TMEM135: variants seen among roughly 807,000 people sequenced by gnomAD.
TMEM135 encodes transmembrane protein 135.
TMEM135 carries 30 observed loss-of-function variants against 60.3 expected under a neutral mutation model. The observed-to-expected ratio is 0.50, with a 90% CI of 0.37 to 0.68. The LOEUF is 0.68. Ranked by LOEUF, TMEM135 falls within the 30% of genes least tolerant of loss-of-function variation. The pLI is 0.00. For missense variants in TMEM135, 468 were observed against 548.8 expected (o/e 0.85, Z 1.47); for synonymous variants, 190 against 186.7 (o/e 1.02, Z -0.14).
At chr11:87,053,521 T>C (rs1375793386) in intron 1 of TMEM135, among the ~76,000 whole-genome samples, 1 of 152,098 alleles carries the variant, frequency 6.6e-6, no homozygotes, top group Admixed American at 6.6e-5. Context: ...GAAGGGGAGT[T>C]GAAGTGATGG....
intron 4 of TMEM135, among the ~76,000 whole-genome samples, chr11:87,134,211 T>C (rs1376948647): frequency 1.3e-5 from 2 of 152,180 alleles, no homozygotes; most frequent in African/African-American, 2.4e-5. Flanking sequence ...GGCTGTTTTC[T>C]CCCTGTGCCT....
intron 9 of TMEM135, among the ~76,000 whole-genome samples, 157 bp downstream of exon 9, chr11:87,306,162 T>C (rs111620995): frequency 2.0e-5 from 3 of 152,312 alleles, no homozygotes; most frequent in Admixed American, 6.5e-5. Flanking sequence ...TTTATGACAA[T>C]AGGTGACGAT....
At chr11:87,191,777 G>T (rs184718525) in intron 5 of TMEM135, among the ~76,000 whole-genome samples, 5 of 152,100 alleles carry the variant, frequency 3.3e-5, no homozygotes, top group African/African-American at 1.2e-4. Context: ...TTTAGGTTTG[G>T]GGATCAGTGT....
In TMEM135 at chr11:87,291,508, C is replaced by T. The variant is rs143120123; in HGVS notation, c.510-4274C>T. ...GCCCTCCTGTAAGTCTATCCAGCAG[C>T]CAAGTGATTTTTTTTTTTTTTTTTT... is the stretch of plus-strand genomic sequence containing the variant. On this transcript the variant is annotated intron_variant, in intron 6 of 14. Coordinates refer to ENST00000305494, the MANE Select transcript of TMEM135 (RefSeq NM_022918.4). 8.5e-3 allele frequency among the ~76,000 whole-genome samples: 1,230 copies of T among 144,776 alleles called. 13 individuals carry two copies. Among genetic ancestry groups the T allele is most frequent in the South Asian group, 0.049 (220 of 4,502 alleles). 95.0% of individuals were successfully genotyped at this position (144,776 alleles called of 152,430 possible). A position where few individuals can be genotyped will look rare whatever the true frequency, so the allele number is the denominator to read the frequency against.
chr11:87,116,147 T>C (rs961124333), intron 4 of TMEM135, among the ~76,000 whole-genome samples: 1 of 152,148 alleles, frequency 6.6e-6, no homozygotes, highest in Non-Finnish European at 1.5e-5. Flanking sequence ...TGTGTAAACA[T>C]GAGAATACCT....
At chr11:87,271,288 G>A (rs962085530) in intron 6 of TMEM135, among the ~76,000 whole-genome samples, 2 of 152,102 alleles carry the variant, frequency 1.3e-5, no homozygotes, top group African/African-American at 4.8e-5. Context: ...TCACATTAAT[G>A]TACTATGAAT....
chr11:87,264,307 C>CT (rs145849024), intron 6 of TMEM135, among the ~76,000 whole-genome samples: 48,287 of 145,888 alleles, frequency 0.33, 8,443 homozygotes, highest in Non-Finnish European at 0.41. Context: ...TGTTCTTTTT[C>CT]TTTTCTTTTT....
In TMEM135 at chr11:87,144,755, GTT is replaced by G. The variant is rs57015442; in HGVS notation, c.397-12576_397-12575del. Among the ~76,000 whole-genome samples the G allele has an allele frequency of 3.2e-3, 470 of 147,212 alleles. 6 individuals are homozygous for G. The highest frequency in any genetic ancestry group is 0.011 in the African/African-American group (439 of 40,266). On this transcript the variant is annotated intron_variant, in intron 4 of 14. Coordinates refer to ENST00000305494, the MANE Select transcript of TMEM135 (RefSeq NM_022918.4). ...GTGTGTTTTCTGGCTACTTTCAAGA[GTT>G]TTTTTTTTTATTTAGATTTTATAAT...
intron 5 of TMEM135, among the ~76,000 whole-genome samples, chr11:87,186,924 A>G (rs1939668779): frequency 1.3e-5 from 2 of 152,190 alleles, no homozygotes; most frequent in Admixed American, 6.5e-5. Context: ...TAATAAAACA[A>G]TGTTTATAGG....
intron 6 of TMEM135, among the ~76,000 whole-genome samples, chr11:87,246,496 A>T (rs192669694): frequency 2.6e-5 from 4 of 152,240 alleles, no homozygotes; most frequent in Non-Finnish European, 4.4e-5. Flanking sequence ...CACCAGTCAG[A>T]CGTAGATTTG....
intron 4 of TMEM135, among the ~76,000 whole-genome samples, chr11:87,130,651 A>T (rs1023540714): frequency 4.6e-5 from 7 of 152,048 alleles, no homozygotes; most frequent in African/African-American, 1.7e-4. Flanking sequence ...AACCTTTTGT[A>T]ATTTTAATTT....
intron 4 of TMEM135, among the ~76,000 whole-genome samples, chr11:87,137,230 C>T (rs1938127021): frequency 6.7e-6 from 1 of 150,346 alleles, no homozygotes; most frequent in South Asian, 2.1e-4. Context: ...TGTTATGTAA[C>T]AACCTTTTTC....
intron 4 of TMEM135, among the ~76,000 whole-genome samples, chr11:87,125,408 A>T (rs563133): frequency 0.35 from 52,863 of 152,098 alleles, 9,607 homozygotes; most frequent in East Asian, 0.62. Context: ...TGGAGAGATG[A>T]CATTGAGTAC....
chr11:87,287,544 G>T (rs140813323), intron 6 of TMEM135, among the ~76,000 whole-genome samples: 1 of 152,162 alleles, frequency 6.6e-6, no homozygotes, highest in African/African-American at 2.4e-5. Flanking sequence ...GGGCCTAGTG[G>T]CAGGTGCCTA....
At chr11:87,241,907 A>C (rs1009286715) in intron 6 of TMEM135, among the ~76,000 whole-genome samples, 20 of 152,006 alleles carry the variant, frequency 1.3e-4, no homozygotes, top group Admixed American at 1.1e-3. Flanking sequence ...CACAATGTGC[A>C]GGTTAGTTAC....
chr11:87,250,719 G>A (rs1408579788), intron 6 of TMEM135, among the ~76,000 whole-genome samples: 1 of 152,006 alleles, frequency 6.6e-6, no homozygotes, highest in Non-Finnish European at 1.5e-5. Flanking sequence ...AAAAAATATT[G>A]CTTAAAAATA....
intron 1 of TMEM135, among the ~76,000 whole-genome samples, chr11:87,061,411 T>A (rs1949945995): frequency 6.6e-6 from 1 of 152,176 alleles, no homozygotes; most frequent in Admixed American, 6.5e-5. Flanking sequence ...GCCCAAAATG[T>A]CAATAGTGCC....
At position 87,199,751 on chromosome 11, in the gene TMEM135, G is replaced by A. The variant is rs189764044; in HGVS notation, c.463-36887G>A. ...TCGAGACCAGCCTGGCCAACAAGGTGAAACTGCATCTCTACTAAAAATACA... is the reference window on the plus strand; with the variant it reads ...TCGAGACCAGCCTGGCCAACAAGGTAAAACTGCATCTCTACTAAAAATACA... On this transcript the variant is annotated intron_variant, in intron 5 of 14. Coordinates refer to ENST00000305494, the MANE Select transcript of TMEM135 (RefSeq NM_022918.4). Among the ~76,000 whole-genome samples, 3 of 152,266 alleles carry A rather than the reference G, an allele frequency of 2.0e-5. No homozygotes were observed. In the East Asian group the frequency reaches 5.8e-4, roughly 29 times the overall value.
Position 87,272,119 on chromosome 11 carries a change from T to C in TMEM135, c.510-23663T>C, listed in dbSNP as rs570676846. Among the ~76,000 whole-genome samples the C allele has an allele frequency of 6.1e-5, 9 of 148,760 alleles. No homozygotes were observed. The South Asian group carries it at 1.9e-3, about 32-fold the overall frequency. The stretch of plus-strand genomic sequence containing the variant: ...CCCAGGCTGGAGTGCAGAGGTGAGA[T>C]ATCTGCTCACTGCAACCTCCCCCTC... On this transcript the variant is annotated intron_variant, in intron 6 of 14. Transcript: ENST00000305494.
Sources: allele counts gnomAD v4.1 joint callset (sites outside exome capture counted in the v4.1 genomes callset), GRCh38; gene constraint gnomAD v4.1.1; transcripts MANE v1.5; gene names NCBI Gene and HGNC (gene_info 2026-07-23, HGNC 2026-07-21).